Variants in PKHD1 observed in about 807,000 individuals in gnomAD.
PKHD1 encodes the protein fibrocystin.
In PKHD1, 291 loss-of-function variants were observed where a neutral mutation model predicts 412.0. That is an observed-to-expected ratio of 0.71 (90% CI 0.64 to 0.78). The LOEUF is 0.78. Among genes scored for constraint, PKHD1 ranks in the 30% least tolerant of loss-of-function variants. The probability of loss-of-function intolerance (pLI) is 0.00; values close to 1 mark genes in which losing one functional copy is unlikely to be tolerated. For synonymous variants in PKHD1, 1,777 were observed against 1,821.5 expected (o/e 0.98, Z 0.62); for missense variants, 4,825 against 4,950.7 (o/e 0.97, Z 0.76).
intron 52 of PKHD1, among the ~76,000 whole-genome samples, chr6:51,829,995 G>T (rs955668657): frequency 7.9e-5 from 12 of 152,202 alleles, no homozygotes; most frequent in Admixed American, 5.2e-4. Context: ...GTTATTGTGA[G>T]GATTAAATTA....
intron 11 of PKHD1, among the ~76,000 whole-genome samples, chr6:52,067,282 A>G (rs1582072647): frequency 6.6e-6 from 1 of 152,164 alleles, no homozygotes; most frequent in Non-Finnish European, 1.5e-5. Flanking sequence ...TTACACTAGC[A>G]CTGGAATTTT....
intron 35 of PKHD1, among the ~76,000 whole-genome samples, chr6:52,000,074 C>A (rs1436167552): frequency 6.6e-6 from 1 of 152,304 alleles, no homozygotes; most frequent in Admixed American, 6.5e-5. Context: ...GAAAAGCAAG[C>A]TTTTCTCGCA....
At chr6:52,052,961 G>A in intron 21 of PKHD1, 115 bp downstream of exon 21, 1 of 919,302 alleles carries the variant, frequency 1.1e-6, no homozygotes, top group African/African-American at 1.6e-5. Flanking sequence ...AGCCAAGGCA[G>A]GCAAAAAGGA....
In PKHD1 at chr6:52,055,698, G is replaced by A; in HGVS notation, c.1725C>T (p.Leu575=). 1 of 1,613,958 alleles carries A rather than the reference G, an allele frequency of 6.2e-7. No homozygotes were observed. The highest frequency in any genetic ancestry group is 8.5e-7 in the Non-Finnish European group (1 of 1,179,824). Residue 575 remains leucine, a synonymous_variant, in exon 19 of 67, where the codon CTC becomes CTT. Transcript: ENST00000371117. ...CACAGAAGGGCTCCGTCCCACTGGT[G>A]AGGTCCCCATCAGAGTTGGAAACTT... ...GPEVSNSDGD[L]TSGTEPFCGR...
At chr6:51,886,484 G>C (rs879625992) in intron 44 of PKHD1, among the ~76,000 whole-genome samples, 5 of 152,178 alleles carry the variant, frequency 3.3e-5, no homozygotes, top group Non-Finnish European at 7.4e-5. Flanking sequence ...AGGAAATCCT[G>C]CCATTTGTGA....
chr6:52,071,971 G>A lies in PKHD1; in HGVS notation c.602+144C>T, dbSNP rs113941363. ...GTCTTTTTCAGTAGTCTAAAGATAA[G>A]GTAGTAAATAGCTATGTGTGATTTA... is the stretch of plus-strand genomic sequence containing the variant. On this transcript the variant is annotated intron_variant, in intron 8 of 66. Coordinates refer to ENST00000371117, the MANE Select transcript of PKHD1 (RefSeq NM_138694.4). 785 of 676,270 alleles carry A rather than the reference G, an allele frequency of 1.2e-3. 6 individuals carry two copies. In the African/African-American group the frequency reaches 0.012, roughly 10 times the overall value. 41.9% of individuals were successfully genotyped at this position (676,270 alleles called of 1,614,324 possible). A position where few individuals can be genotyped will look rare whatever the true frequency, so the allele number is the denominator to read the frequency against.
chr6:51,795,071 T>C (rs561777325), intron 52 of PKHD1, among the ~76,000 whole-genome samples: 7 of 152,328 alleles, frequency 4.6e-5, no homozygotes, highest in African/African-American at 9.6e-5. Context: ...AGAATCTTAA[T>C]GGTAGTTTAA....
At chr6:51,629,022 T>C (rs1337927269) in intron 65 of PKHD1, among the ~76,000 whole-genome samples, 1 of 152,164 alleles carries the variant, frequency 6.6e-6, no homozygotes, top group Non-Finnish European at 1.5e-5. Context: ...TGTAGAAGAA[T>C]GAAACTTGAC....
At position 51,870,638 on chromosome 6, in the gene PKHD1, C is replaced by G; in HGVS notation, c.7352G>C (p.Gly2451Ala). The stretch of plus-strand genomic sequence containing the variant: ...AATCCCAGATGACATACACAGACTT[C>G]CCTGTGATTTAAAAGAAAAAAAGAT... ...SLLLGHFAHK[G>A]SLCMSSGIKT... Residue 2451 changes from glycine (G) to alanine (A), a missense_variant and splice_region_variant, in exon 47 of 67, where the codon GGA becomes GCA. Coordinates refer to ENST00000371117, the MANE Select transcript of PKHD1 (RefSeq NM_138694.4). 4 of 1,607,946 alleles carry G rather than the reference C, an allele frequency of 2.5e-6. No homozygotes were observed. The highest frequency in any genetic ancestry group is 3.4e-6 in the Non-Finnish European group (4 of 1,174,812).
intron 46 of PKHD1, among the ~76,000 whole-genome samples, chr6:51,874,447 A>C (rs774551477): frequency 6.6e-6 from 1 of 152,162 alleles, no homozygotes; most frequent in Non-Finnish European, 1.5e-5. Context: ...TCTCAATACA[A>C]AGGTAACATT....
In PKHD1 at chr6:51,982,370, C is replaced by T. The variant is rs1205139012; in HGVS notation, c.5752-22344G>A. ...ATGGCGGTTTTGTGGAATAGAAAGG[C>T]GGGAAGGGTGGGGAAAAAATTGAGA... On this transcript the variant is annotated intron_variant, in intron 35 of 66. Coordinates refer to ENST00000371117, the MANE Select transcript of PKHD1 (RefSeq NM_138694.4). Among the ~76,000 whole-genome samples the T allele has an allele frequency of 3.6e-3, 419 of 115,560 alleles. 1 individual carries two copies. Among genetic ancestry groups the T allele is most frequent in the African/African-American group, 0.011 (405 of 35,288 alleles). 75.8% of individuals were successfully genotyped at this position (115,560 alleles called of 152,430 possible).
chr6:51,923,218 T>A (rs533714664), intron 37 of PKHD1, among the ~76,000 whole-genome samples: 430 of 152,270 alleles, frequency 2.8e-3, no homozygotes, highest in Non-Finnish European at 4.6e-3. Context: ...AAAAAATAGA[T>A]AACTGACAAA....
At chr6:51,869,725 C>A (rs1247016904) in intron 47 of PKHD1, among the ~76,000 whole-genome samples, 1 of 151,880 alleles carries the variant, frequency 6.6e-6, no homozygotes, top group Admixed American at 6.6e-5. Flanking sequence ...ATTATTATTT[C>A]TACAATCCTA....
chr6:51,872,036 G>GA (rs1424981610), intron 46 of PKHD1, among the ~76,000 whole-genome samples: 2 of 151,664 alleles, frequency 1.3e-5, no homozygotes, highest in East Asian at 1.9e-4. Context: ...TAGGAGAGTA[G>GA]AAAAAAGGAA....
rs1389754876 is a variant in PKHD1 at position 51,659,803 on chromosome 6, A to G, written c.10323T>C (p.Phe3441=). Residue 3441 remains phenylalanine, a synonymous_variant, in exon 61 of 67, where the codon TTT becomes TTC. Transcript: ENST00000371117. ...AGGGAATATTGGCATTTACACTGCT[A>G]AAGACATCAACAAAACCACTAGTCA... The part of the protein sequence containing the change: ...VSVTSGFVDV[F]SSVNANIPCS... 6.2e-7 allele frequency: 1 copy of G among 1,613,812 alleles called. No homozygotes were observed. Among genetic ancestry groups the G allele is most frequent in the South Asian group, 1.1e-5 (1 of 91,072 alleles).
At chr6:51,879,055 A>G (rs1279567508) in intron 46 of PKHD1, among the ~76,000 whole-genome samples, 1 of 88,862 alleles carries the variant, frequency 1.1e-5, no homozygotes, top group African/African-American at 5.2e-5. Flanking sequence ...TCCAACTTAC[A>G]AGGGATGTGA....
At chr6:51,890,161 T>C (rs1423168855) in intron 43 of PKHD1, among the ~76,000 whole-genome samples, 1 of 152,162 alleles carries the variant, frequency 6.6e-6, no homozygotes, top group African/African-American at 2.4e-5. Flanking sequence ...TACAGTTTCA[T>C]AGCAAAGAAA....
chr6:51,919,988 T>C (rs551947839), intron 37 of PKHD1, among the ~76,000 whole-genome samples: 63 of 152,212 alleles, frequency 4.1e-4, no homozygotes, highest in African/African-American at 1.4e-3. Context: ...TATCCTGAGA[T>C]TTTGCTGAAG....
At position 51,845,010 on chromosome 6, in the gene PKHD1, G is replaced by A. The variant is rs187619505; in HGVS notation, c.8107+2765C>T. ...AATGTATTTTATGTAAATTATCCCA[G>A]TCATGGTCCTATAAAGTCAAGTGGT... On this transcript the variant is annotated intron_variant, in intron 50 of 66. Coordinates refer to ENST00000371117, the MANE Select transcript of PKHD1 (RefSeq NM_138694.4). 1.2e-3 allele frequency among the ~76,000 whole-genome samples: 180 copies of A among 152,216 alleles called. 1 individual carries two copies. The highest frequency in any genetic ancestry group is 4.2e-3 in the African/African-American group (174 of 41,522).
Sources: gnomAD v4.1 joint callset for allele counts (sites outside exome capture counted in the v4.1 genomes callset) on GRCh38, gnomAD v4.1.1 for gene constraint, MANE v1.5 for transcripts, NCBI Gene and HGNC (gene_info 2026-07-23, HGNC 2026-07-21) for gene names.